The following MANBA variants were observed in gnomAD, a reference collection of about 807,000 sequenced individuals.
MANBA encodes the protein mannosidase beta.
MANBA carries 83 observed loss-of-function variants against 111.1 expected under a neutral mutation model. The ratio of observed to expected loss-of-function variants is 0.75; its 90% CI spans 0.63 to 0.90. The LOEUF (loss-of-function observed/expected upper bound fraction) is 0.90. Ranked by LOEUF, MANBA falls within the 40% of genes least tolerant of loss-of-function variation. The pLI, the probability that MANBA is intolerant of heterozygous loss-of-function variation, is 0.00. For missense variants in MANBA, 1,036 were observed against 1,069.0 expected (o/e 0.97, Z 0.43); for synonymous variants, 370 against 378.7 (o/e 0.98, Z 0.27).
Position 102,722,853 on chromosome 4 carries a change from T to C in MANBA, c.549+18A>G, listed in dbSNP as rs1431727067. ...CCGTCCTCAAAAATAAAACCCGACC[T>C]GTTTGAGAGACCATTACCTTCCGAA... On this transcript the variant is annotated intron_variant, in intron 4 of 16. Transcript: ENST00000647097. 20 of 1,612,762 alleles carry C rather than the reference T, an allele frequency of 1.2e-5. No homozygotes were observed. Among genetic ancestry groups the C allele is most frequent in the Non-Finnish European group, 1.6e-5 (19 of 1,178,868 alleles).
rs1730292872 is a variant in MANBA, at chr4:102,650,655, T to C, written c.1751A>G (p.His584Arg). The C allele has an allele frequency of 6.2e-7, 1 of 1,613,514 alleles. No individual in the cohort carries two copies. The highest frequency in any genetic ancestry group is 2.2e-5 in the East Asian group (1 of 44,862). ...DWSFNSKFSL[H>R]RQHHEGGNKQ... Reference sequence around the variant, plus strand: ...GTTACCACCTTCGTGATGTTGTCGATGAAGTGAAAACTTGCTATTGAAAGA... The same window carrying C: ...GTTACCACCTTCGTGATGTTGTCGACGAAGTGAAAACTTGCTATTGAAAGA... The change falls in exon 13 of 17, where the codon CAT (histidine) becomes CGT (arginine). Residue 584 changes from histidine to arginine, a missense_variant. Coordinates refer to ENST00000647097, the MANE Select transcript of MANBA (RefSeq NM_005908.4).
At chr4:102,713,911 A>G (rs6825012) in intron 5 of MANBA, among the ~76,000 whole-genome samples, 97 of 151,596 alleles carry the variant, frequency 6.4e-4, no homozygotes, top group Admixed American at 1.5e-3. Flanking sequence ...AAAAAAAAAA[A>G]AAAAGAAAAG....
chr4:102,723,178 A>C (rs928225311), intron 3 of MANBA, 137 bp from the exon 4 acceptor site: 8 of 776,262 alleles, frequency 1.0e-5, no homozygotes, highest in African/African-American at 6.9e-5. Context: ...AGGAGGGAAC[A>C]CTTCTCTGAA....
At chr4:102,736,746 A>G (rs1241337642) in intron 1 of MANBA, among the ~76,000 whole-genome samples, 1 of 152,256 alleles carries the variant, frequency 6.6e-6, no homozygotes, top group African/African-American at 2.4e-5. Flanking sequence ...TTGGATGAAC[A>G]GAACAGCATG....
At position 102,760,739 on chromosome 4, in the gene MANBA, C is replaced by T; in HGVS notation, c.156G>A (p.Leu52=). The stretch of plus-strand genomic sequence containing the variant: ...ATACCTGGATCAGGCCCTGCTGGAA[C>T]AAGGCGCTGTGCACGCAGCCAGGGA... ...GAVPGCVHSA[L]FQQGLIQDSY... Residue 52 remains leucine, a synonymous_variant, in exon 1 of 17, where the codon TTG becomes TTA. Coordinates refer to ENST00000647097, the MANE Select transcript of MANBA (RefSeq NM_005908.4). 1 of 1,546,016 alleles carries T rather than the reference C, an allele frequency of 6.5e-7. No individual in the cohort carries two copies. The highest frequency in any genetic ancestry group is 8.7e-7 in the Non-Finnish European group (1 of 1,144,816).
At chr4:102,649,340 A>C (rs1337308106) in intron 13 of MANBA, among the ~76,000 whole-genome samples, 2 of 152,210 alleles carry the variant, frequency 1.3e-5, no homozygotes, top group East Asian at 3.8e-4. Flanking sequence ...AAAATTTTCC[A>C]AAGTGGTTAA....
Position 102,669,107 on chromosome 4 carries a change from A to G in MANBA, c.1231-58T>C, listed in dbSNP as rs60957290. ...TCCATAAGTTTTATTACACAGAAGA[A>G]AGTCTTTATTCTGAGCTCTGGGCAT... On this transcript the variant is annotated intron_variant, in intron 9 of 16. Transcript: ENST00000647097. 2.5e-3 allele frequency: 3,297 copies of G among 1,303,326 alleles called. 67 individuals are homozygous for G. The African/African-American group carries it at 0.039, about 15-fold the overall frequency. The allele number at this position is 1,303,326 out of a possible 1,614,324, so 80.7% of individuals were successfully genotyped here.
At chr4:102,743,026 T>A (rs889977920) in intron 1 of MANBA, among the ~76,000 whole-genome samples, 3 of 152,202 alleles carry the variant, frequency 2.0e-5, no homozygotes, top group Non-Finnish European at 2.9e-5. Context: ...CATGGGCCCA[T>A]TGGGCAATGA....
chr4:102,708,087 C>G (rs555906388), intron 5 of MANBA, among the ~76,000 whole-genome samples: 1 of 152,186 alleles, frequency 6.6e-6, no homozygotes, highest in Non-Finnish European at 1.5e-5. Context: ...TTACTCTCAG[C>G]ATTACACAGA....
At chr4:102,726,494 C>CAAAA in intron 2 of MANBA, 95 bp downstream of exon 2, 2 of 635,504 alleles carry the variant, frequency 3.1e-6, no homozygotes, top group Non-Finnish European at 2.7e-6. Context: ...ACATACAAAA[C>CAAAA]AAAAAAAAAA....
intron 13 of MANBA, among the ~76,000 whole-genome samples, chr4:102,642,060 T>C (rs1471137753): frequency 6.6e-6 from 1 of 151,968 alleles, no homozygotes. Flanking sequence ...TCAAGGCTAA[T>C]GAATGACACC....
At chr4:102,701,764 C>G (rs935612254) in intron 5 of MANBA, among the ~76,000 whole-genome samples, 3 of 151,772 alleles carry the variant, frequency 2.0e-5, no homozygotes, top group African/African-American at 7.3e-5. Flanking sequence ...TGTGGGTAAC[C>G]TGACCTTTCT....
intron 1 of MANBA, among the ~76,000 whole-genome samples, chr4:102,744,046 T>C (rs1392904292): frequency 1.3e-5 from 2 of 152,204 alleles, no homozygotes; most frequent in Non-Finnish European, 2.9e-5. Flanking sequence ...TTGCAGAACC[T>C]TCTCCTGTTC....
At chr4:102,711,786 T>C (rs963739483) in intron 5 of MANBA, among the ~76,000 whole-genome samples, 1 of 152,120 alleles carries the variant, frequency 6.6e-6, no homozygotes, top group Admixed American at 6.5e-5. Context: ...CTGGAGGTCA[T>C]TATGTTAAGT....
intron 1 of MANBA, among the ~76,000 whole-genome samples, chr4:102,736,628 A>C (rs1723226064): frequency 6.6e-6 from 1 of 152,264 alleles, no homozygotes; most frequent in Admixed American, 6.5e-5. Flanking sequence ...AATAGATGTT[A>C]AGAAAACACT....
chr4:102,638,192 G>A lies in MANBA; in HGVS notation c.2014+1521C>T, dbSNP rs570810063. On this transcript the variant is annotated intron_variant, in intron 14 of 16. Transcript: ENST00000647097. ...TAATCCCAACACTTTGGGAAGCTGAGGAGGGTAGACTGCTTCAGACCAGGT... is the reference window on the plus strand; with the variant it reads ...TAATCCCAACACTTTGGGAAGCTGAAGAGGGTAGACTGCTTCAGACCAGGT... 9.2e-5 allele frequency among the ~76,000 whole-genome samples: 14 copies of A among 152,276 alleles called. No homozygotes were observed. In the South Asian group the frequency reaches 2.5e-3, roughly 27 times the overall value.
At chr4:102,704,227 G>C (rs766324037) in intron 5 of MANBA, among the ~76,000 whole-genome samples, 4 of 152,094 alleles carry the variant, frequency 2.6e-5, no homozygotes, top group Non-Finnish European at 5.9e-5. Context: ...CAATTCCCCT[G>C]TCTTGATAAA....
chr4:102,706,792 T>A (rs1400468739), intron 5 of MANBA, among the ~76,000 whole-genome samples: 4 of 152,122 alleles, frequency 2.6e-5, no homozygotes, highest in Admixed American at 2.6e-4. Flanking sequence ...AACTGAAGAA[T>A]CTAGTTATTC....
At chr4:102,648,665 C>T (rs1226565071) in intron 13 of MANBA, among the ~76,000 whole-genome samples, 1 of 152,026 alleles carries the variant, frequency 6.6e-6, no homozygotes, top group Non-Finnish European at 1.5e-5. Context: ...GTGATGGTTG[C>T]ACCACTCTAT....
Sources: gnomAD v4.1 joint callset for allele counts (sites outside exome capture counted in the v4.1 genomes callset) on GRCh38, gnomAD v4.1.1 for gene constraint, MANE v1.5 for transcripts, NCBI Gene and HGNC (gene_info 2026-07-23, HGNC 2026-07-21) for gene names.